The following SNTG1 variants were observed in gnomAD, a reference collection of about 807,000 sequenced individuals.
The protein encoded by SNTG1 is gamma-1-syntrophin.
Under a neutral mutation model 74.7 loss-of-function variants are expected in SNTG1, and 39 were observed. The observed-to-expected ratio is 0.52, with a 90% CI of 0.40 to 0.68. The LOEUF (loss-of-function observed/expected upper bound fraction) is 0.68. SNTG1 is among the 30% of genes least tolerant of loss of function. SNTG1 has a pLI of 0.00. For missense variants in SNTG1, 685 were observed against 609.5 expected (o/e 1.12, Z -1.30); for synonymous variants, 254 against 217.1 (o/e 1.17, Z -1.49).
Position 50,418,797 on chromosome 8 carries a change from T to C in SNTG1, c.162+16453T>C, listed in dbSNP as rs573250030. Among the ~76,000 whole-genome samples, 3 of 152,288 alleles carry C rather than the reference T, an allele frequency of 2.0e-5. No homozygotes were observed. In the South Asian group the frequency reaches 6.2e-4, roughly 32 times the overall value. On this transcript the variant is annotated intron_variant, in intron 4 of 18. Transcript: ENST00000642720. ...TATCCCAATAGAGTAAATGGATATG[T>C]CATCTTTCCAGCTGCATTAGGCAGA...
intron 8 of SNTG1, among the ~76,000 whole-genome samples, chr8:50,493,375 C>A (rs2093875592): frequency 6.6e-6 from 1 of 152,144 alleles, no homozygotes; most frequent in Admixed American, 6.5e-5. Context: ...GTTTAGGAAA[C>A]TACATGGAAA....
chr8:50,160,035 C>A (rs2082367426), intron 1 of SNTG1, among the ~76,000 whole-genome samples: 1 of 152,144 alleles, frequency 6.6e-6, no homozygotes, highest in African/African-American at 2.4e-5. Flanking sequence ...AAAACAGTAG[C>A]AAACTCTGCA....
chr8:50,112,142 T>C (rs1383170422), intron 1 of SNTG1, among the ~76,000 whole-genome samples: 1 of 152,148 alleles, frequency 6.6e-6, no homozygotes, highest in Non-Finnish European at 1.5e-5. Context: ...GAAAAGATAG[T>C]TGGCATATAT....
At chr8:49,941,302 C>G (rs1168609777) in intron 1 of SNTG1, among the ~76,000 whole-genome samples, 1 of 152,020 alleles carries the variant, frequency 6.6e-6, no homozygotes, top group Non-Finnish European at 1.5e-5. Context: ...AAGAGCCACC[C>G]TCTTCCCAGA....
At chr8:50,072,204 G>T (rs1367466750) in intron 1 of SNTG1, among the ~76,000 whole-genome samples, 2 of 152,178 alleles carry the variant, frequency 1.3e-5, no homozygotes, top group Admixed American at 1.3e-4. Flanking sequence ...AATATATGAA[G>T]TATGATGGTT....
chr8:50,491,843 C>T (rs2093857639), intron 8 of SNTG1, among the ~76,000 whole-genome samples: 1 of 151,794 alleles, frequency 6.6e-6, no homozygotes, highest in African/African-American at 2.4e-5. Context: ...CCATCATCTA[C>T]ATTAGGTATT....
At chr8:50,492,898 T>C (rs1007152331) in intron 8 of SNTG1, among the ~76,000 whole-genome samples, 1 of 152,174 alleles carries the variant, frequency 6.6e-6, no homozygotes, top group Non-Finnish European at 1.5e-5. Context: ...CCATCTTCAG[T>C]TAATTTTTGT....
At chr8:50,056,786 G>T (rs1479355876) in intron 1 of SNTG1, among the ~76,000 whole-genome samples, 1 of 152,206 alleles carries the variant, frequency 6.6e-6, no homozygotes, top group Non-Finnish European at 1.5e-5. Context: ...CAAGATAGAT[G>T]AGTGAATAGG....
At chr8:50,468,314 G>T (rs1002062768) in intron 8 of SNTG1, among the ~76,000 whole-genome samples, 1 of 151,932 alleles carries the variant, frequency 6.6e-6, no homozygotes, top group Non-Finnish European at 1.5e-5. Flanking sequence ...GCTGTTGTTA[G>T]ATTGTCTAAT....
At chr8:50,032,076 G>T (rs575390966) in intron 1 of SNTG1, among the ~76,000 whole-genome samples, 1 of 152,078 alleles carries the variant, frequency 6.6e-6, no homozygotes, top group African/African-American at 2.4e-5. Context: ...TTTGTGTGTA[G>T]AGTTGTTTAT....
intron 13 of SNTG1, among the ~76,000 whole-genome samples, chr8:50,620,510 A>G (rs1467700032): frequency 6.6e-6 from 1 of 152,124 alleles, no homozygotes; most frequent in Non-Finnish European, 1.5e-5. Context: ...GTACTATTCT[A>G]TTGCTGTGAT....
At chr8:50,252,403 T>A (rs1353474019) in intron 2 of SNTG1, among the ~76,000 whole-genome samples, 2 of 151,806 alleles carry the variant, frequency 1.3e-5, no homozygotes, top group Admixed American at 1.3e-4. Flanking sequence ...ATTCATAAGA[T>A]CAACTAAACA....
chr8:50,189,209 T>A (rs1012280446), intron 2 of SNTG1, among the ~76,000 whole-genome samples: 5 of 152,196 alleles, frequency 3.3e-5, no homozygotes, highest in Non-Finnish European at 7.3e-5. Context: ...TCAGAGGTAT[T>A]ATGAATTTAA....
rs1321071457 is a variant in SNTG1 at position 50,313,562 on chromosome 8, C to T, written c.-27-80650C>T. 3.3e-5 allele frequency among the ~76,000 whole-genome samples: 5 copies of T among 149,730 alleles called. 1 individual carries two copies. The highest frequency in any genetic ancestry group is 1.0e-4 in the African/African-American group (4 of 40,124). On this transcript the variant is annotated intron_variant, in intron 2 of 18. Transcript: ENST00000642720. Reference sequence around the variant, plus strand: ...CAAAAATAAAAGAAAAAATGTGCAACATCGTTAATCATCAGAGAAATGCAA... The same window carrying T: ...CAAAAATAAAAGAAAAAATGTGCAATATCGTTAATCATCAGAGAAATGCAA...
At chr8:50,035,137 T>G (rs1032357324) in intron 1 of SNTG1, among the ~76,000 whole-genome samples, 1 of 152,144 alleles carries the variant, frequency 6.6e-6, no homozygotes, top group Non-Finnish European at 1.5e-5. Context: ...CCAAACTTCT[T>G]CCTGAAATCA....
intron 1 of SNTG1, among the ~76,000 whole-genome samples, chr8:49,948,018 T>A (rs958241580): frequency 1.3e-5 from 2 of 151,972 alleles, no homozygotes; most frequent in African/African-American, 4.8e-5. Context: ...ATAATCCCAG[T>A]TACTCAGGAA....
chr8:50,657,558 T>G (rs1188458205), intron 14 of SNTG1, among the ~76,000 whole-genome samples: 1 of 152,148 alleles, frequency 6.6e-6, no homozygotes, highest in African/African-American at 2.4e-5. Context: ...TTCAAAATGA[T>G]AGCATCTTAT....
chr8:50,464,806 C>G (rs1342918203), intron 8 of SNTG1, among the ~76,000 whole-genome samples: 1 of 151,834 alleles, frequency 6.6e-6, no homozygotes, highest in African/African-American at 2.4e-5. Flanking sequence ...ATAACAGATA[C>G]AATAATATCT....
chr8:50,496,981 G>GA (rs34727478), intron 8 of SNTG1, among the ~76,000 whole-genome samples: 14,810 of 147,206 alleles, frequency 0.1, 994 homozygotes, highest in South Asian at 0.19. Flanking sequence ...AAGAAAAATT[G>GA]AAAAAAAAAA....
Sources: allele counts gnomAD v4.1 joint callset (sites outside exome capture counted in the v4.1 genomes callset), GRCh38; gene constraint gnomAD v4.1.1; transcripts MANE v1.5; gene names NCBI Gene and HGNC (gene_info 2026-07-23, HGNC 2026-07-21).